TEAD1: variants seen among roughly 807,000 people sequenced by gnomAD.
TEAD1 encodes the protein TEA domain transcription factor 1.
A neutral mutation model predicts 54.9 loss-of-function variants in TEAD1; 9 were observed. That is an observed-to-expected ratio of 0.16 (90% confidence interval 0.10 to 0.29). TEAD1 has a LOEUF of 0.29. TEAD1 is among the 10% of genes least tolerant of loss of function. TEAD1 has a pLI of 1.00. For missense variants in TEAD1, 387 were observed against 535.9 expected, an observed-to-expected ratio of 0.72 and a Z score of 2.74; for synonymous variants, 200 against 187.8, an observed-to-expected ratio of 1.07 and a Z score of -0.53.
intron 2 of TEAD1, among the ~76,000 whole-genome samples, chr11:12,688,079 T>G (rs1943371332): frequency 6.6e-6 from 1 of 152,166 alleles, no homozygotes; most frequent in African/African-American, 2.4e-5. Flanking sequence ...GGCCTCATGC[T>G]GGGGATAGGG....
intron 5 of TEAD1, chr11:12,878,894 A>G (rs1190988812): frequency 7.8e-7 from 1 of 1,286,770 alleles, no homozygotes. Flanking sequence ...TCCAGGTAAC[A>G]AGCATGGTAA....
At chr11:12,881,753 C>G (rs1753145765) in intron 7 of TEAD1, 143 bp from the exon 8 acceptor site, 4 of 798,778 alleles carry the variant, frequency 5.0e-6, no homozygotes, top group South Asian at 4.2e-5. Context: ...GAACAACTGC[C>G]TCTGCCTGGG....
At chr11:12,894,948 A>T (rs1589968284) in intron 9 of TEAD1, among the ~76,000 whole-genome samples, 1 of 152,300 alleles carries the variant, frequency 6.6e-6, no homozygotes, top group East Asian at 1.9e-4. Context: ...TTATAGTTCT[A>T]CTAAGTATAC....
chr11:12,774,303 C>A (rs1945373756), intron 3 of TEAD1, among the ~76,000 whole-genome samples: 1 of 152,172 alleles, frequency 6.6e-6, no homozygotes, highest in South Asian at 2.1e-4. Context: ...CACTGTGAAG[C>A]TCATCCACAG....
At chr11:12,873,072 C>T (rs1176914205) in intron 5 of TEAD1, among the ~76,000 whole-genome samples, 2 of 152,178 alleles carry the variant, frequency 1.3e-5, no homozygotes, top group African/African-American at 4.8e-5. Context: ...TCTGCCTTCC[C>T]AAAGAGTACT....
intron 3 of TEAD1, among the ~76,000 whole-genome samples, chr11:12,830,767 CGCACAT>C (rs370162235): frequency 0.043 from 6,411 of 149,650 alleles, 584 homozygotes; most frequent in African/African-American, 0.14. Context: ...TGCACGCACA[CGCACAT>C]GCACATGCAC....
intron 3 of TEAD1, among the ~76,000 whole-genome samples, chr11:12,831,349 G>T (rs1411388137): frequency 6.6e-6 from 1 of 152,066 alleles, no homozygotes; most frequent in Non-Finnish European, 1.5e-5. Flanking sequence ...TTCCCCCAGT[G>T]CCCTGAGCTG....
intron 2 of TEAD1, among the ~76,000 whole-genome samples, chr11:12,743,157 C>T (rs558609370): frequency 1.3e-5 from 2 of 152,340 alleles, no homozygotes; most frequent in South Asian, 4.1e-4. Context: ...AAACTCTGAT[C>T]CACATACTAG....
chr11:12,848,892 C>T (rs1402052722), intron 3 of TEAD1: 1 of 151,886 alleles, frequency 6.6e-6, no homozygotes, highest in East Asian at 1.9e-4. Flanking sequence ...CTAGGTGGCA[C>T]TGAGTCATGA....
At chr11:12,762,492 C>G (rs1945121893) in intron 2 of TEAD1, among the ~76,000 whole-genome samples, 1 of 152,188 alleles carries the variant, frequency 6.6e-6, no homozygotes, top group South Asian at 2.1e-4. Flanking sequence ...TATACCTTCA[C>G]ATTTGGCAAT....
In TEAD1 at chr11:12,864,763, C is replaced by T. The variant is rs1319659620; in HGVS notation, c.268-75C>T. On this transcript the variant is annotated intron_variant, in intron 4 of 12. Coordinates refer to ENST00000527636, the MANE Select transcript of TEAD1 (RefSeq NM_021961.6). ...CCGCCATTAAGGTACGTCTGGCTTG[C>T]CCACTTGTAGGGGGCTTTTCATCTC... The T allele has an allele frequency of 3.6e-5, 58 of 1,612,474 alleles. 1 individual carries two copies. The South Asian group carries it at 4.1e-4, about 11-fold the overall frequency.
At chr11:12,871,249 CT>C (rs1262817220) in intron 5 of TEAD1, among the ~76,000 whole-genome samples, 1 of 152,226 alleles carries the variant, frequency 6.6e-6, no homozygotes, top group East Asian at 1.9e-4. Flanking sequence ...CCAACACCAG[CT>C]TTACCTGTTG....
chr11:12,698,619 T>A (rs909046217), intron 2 of TEAD1, among the ~76,000 whole-genome samples: 1 of 152,126 alleles, frequency 6.6e-6, no homozygotes, highest in Non-Finnish European at 1.5e-5. Context: ...CCTTACCAGC[T>A]GATCCTTAGG....
At chr11:12,683,620 G>T (rs1943271528) in intron 2 of TEAD1, among the ~76,000 whole-genome samples, 2 of 152,158 alleles carry the variant, frequency 1.3e-5, no homozygotes, top group East Asian at 1.9e-4. Context: ...TGGGGGGTGA[G>T]TTGGGAGTAG....
chr11:12,722,269 A>G (rs951869102), intron 2 of TEAD1, among the ~76,000 whole-genome samples: 1 of 152,110 alleles, frequency 6.6e-6, no homozygotes, highest in African/African-American at 2.4e-5. Context: ...CATCTCCTAA[A>G]CCTGGTCATC....
chr11:12,793,572 CTTA>C (rs1277718243), intron 3 of TEAD1, among the ~76,000 whole-genome samples: 4 of 151,848 alleles, frequency 2.6e-5, no homozygotes, highest in Admixed American at 6.6e-5. Context: ...TATTGTCTGT[CTTA>C]TTAGTTTGTA....
intron 2 of TEAD1, among the ~76,000 whole-genome samples, chr11:12,707,011 C>T (rs1342246274): frequency 6.6e-6 from 1 of 151,768 alleles, no homozygotes; most frequent in Non-Finnish European, 1.5e-5. Flanking sequence ...GTCTCAGTTG[C>T]TGTGCCTAGG....
intron 3 of TEAD1, among the ~76,000 whole-genome samples, chr11:12,794,204 A>G (rs1945866189): frequency 6.6e-6 from 1 of 152,174 alleles, no homozygotes; most frequent in South Asian, 2.1e-4. Flanking sequence ...TCTAGATTTT[A>G]TGCGGTCCAT....
intron 2 of TEAD1, among the ~76,000 whole-genome samples, chr11:12,704,573 A>G (rs906555704): frequency 4.6e-5 from 7 of 152,192 alleles, no homozygotes; most frequent in Non-Finnish European, 7.4e-5. Flanking sequence ...AGCATAAGAA[A>G]ACCAAGCCTT....
Sources: allele counts gnomAD v4.1 joint callset (sites outside exome capture counted in the v4.1 genomes callset), GRCh38; gene constraint gnomAD v4.1.1; transcripts MANE v1.5; gene names NCBI Gene and HGNC (gene_info 2026-07-23, HGNC 2026-07-21).